Variants in ABHD6 observed in about 807,000 individuals in gnomAD.
The protein encoded by ABHD6 is abhydrolase domain containing 6, acylglycerol lipase, also known as monoacylglycerol lipase ABHD6.
In ABHD6, 33 loss-of-function variants were observed where a neutral mutation model predicts 38.8. That is an observed-to-expected ratio of 0.85 (90% CI 0.64 to 1.14). The LOEUF is 1.14. Among genes scored for constraint, ABHD6 ranks in the 50% most tolerant of loss-of-function variants. ABHD6 has a pLI of 0.00. For missense variants in ABHD6, 380 were observed against 422.6 expected, an observed-to-expected ratio of 0.90 and a Z score of 0.88; for synonymous variants, 147 against 161.6, an observed-to-expected ratio of 0.91 and a Z score of 0.69.
Position 58,287,790 on chromosome 3 carries a change from G to C in ABHD6, c.837+2337G>C, listed in dbSNP as rs1386452991. 6.6e-6 allele frequency among the ~76,000 whole-genome samples: 1 copy of C among 152,242 alleles called. No individual in the cohort carries two copies. On this transcript the variant is annotated intron_variant, in intron 9 of 9. Coordinates refer to ENST00000478253, the MANE Select transcript of ABHD6 (RefSeq NM_001320126.2). The surrounding 1 kb of genome is among the most constrained non-coding windows in gnomAD (Gnocchi z 4.7). The stretch of plus-strand genomic sequence containing the variant: ...TTGGATTCTGAAAGTCTATGTTCCA[G>C]CCCTACTTTTGTCCTTGGTCAGCCC...
rs149481111 is a variant in ABHD6, at chr3:58,274,812, G to A, written c.678G>A (p.Gln226=). Residue 226 remains glutamine (Q), a synonymous_variant, in exon 7 of 10, where the codon CAG becomes CAA. Coordinates refer to ENST00000478253, the MANE Select transcript of ABHD6 (RefSeq NM_001320126.2). ...LCSYVRFKVP[Q]QILQGLVDVR... Reference sequence around the variant, plus strand: ...CCTATGTCCGCTTCAAGGTGCCCCAGCAGGTAACGTGGTTGCAGCAGCGAC... The same window carrying A: ...CCTATGTCCGCTTCAAGGTGCCCCAACAGGTAACGTGGTTGCAGCAGCGAC... The A allele has an allele frequency of 1.1e-5, 18 of 1,613,180 alleles. No homozygotes were observed. Among genetic ancestry groups the A allele is most frequent in the Non-Finnish European group, 1.3e-5 (15 of 1,179,558 alleles).
Position 58,294,112 on chromosome 3 carries a change from A to T in ABHD6, c.*347A>T. 1 of 194,144 alleles carries T rather than the reference A, an allele frequency of 5.2e-6. No homozygotes were observed. Among genetic ancestry groups the T allele is most frequent in the South Asian group, 1.3e-4 (1 of 7,430 alleles). 12.0% of individuals were successfully genotyped at this position (194,144 alleles called of 1,614,324 possible). ...GGACATTTTCTTTGAGACATTCCTT[A>T]TAGTTGGAGACTCAAGATATTTTTG... On this transcript the variant is annotated 3_prime_UTR_variant, in exon 10 of 10. Coordinates refer to ENST00000478253, the MANE Select transcript of ABHD6 (RefSeq NM_001320126.2).
intron 7 of ABHD6, among the ~76,000 whole-genome samples, chr3:58,276,243 G>T (rs560212225): frequency 6.6e-6 from 1 of 152,324 alleles, no homozygotes; most frequent in South Asian, 2.1e-4. Flanking sequence ...CAGTGTAAAA[G>T]CGTTCCTATT....
At chr3:58,290,056 C>T (rs2097460791) in intron 9 of ABHD6, among the ~76,000 whole-genome samples, 1 of 133,010 alleles carries the variant, frequency 7.5e-6, no homozygotes, top group Admixed American at 7.2e-5. Flanking sequence ...ATCCCCACCT[C>T]CCTCCCGGAC....
chr3:58,293,110 C>G lies in ABHD6; in HGVS notation c.838-479C>G, dbSNP rs976175132. 1.3e-5 allele frequency among the ~76,000 whole-genome samples: 2 copies of G among 152,100 alleles called. No individual in the cohort carries two copies. Among genetic ancestry groups the G allele is most frequent in the South Asian group, 2.1e-4 (1 of 4,828 alleles). On this transcript the variant is annotated intron_variant, in intron 9 of 9. Coordinates refer to ENST00000478253, the MANE Select transcript of ABHD6 (RefSeq NM_001320126.2). The surrounding 1 kb of genome is among the most constrained non-coding windows in gnomAD (Gnocchi z 4.4). ...TCTCTGCCCCTTCTCCCCACCATGC[C>G]ACCCCCACTGCCCATGTGCTTGGTG...
At position 58,269,643 on chromosome 3, in the gene ABHD6, T is replaced by A. The variant is rs1404451011; in HGVS notation, c.390+209T>A. 6.6e-6 allele frequency among the ~76,000 whole-genome samples: 1 copy of A among 152,252 alleles called. No homozygotes were observed. Among genetic ancestry groups the A allele is most frequent in the Non-Finnish European group, 1.5e-5 (1 of 68,036 alleles). ...GGGCTTATTACAGACTTAAGCCTAT[T>A]GCAGTTGTTTGTAACGAAATACAAT... On this transcript the variant is annotated intron_variant, in intron 5 of 9. Transcript: ENST00000478253. The surrounding 1 kb of genome is among the most constrained non-coding windows in gnomAD (Gnocchi z 4.4).
At chr3:58,276,379 G>T (rs1451624641) in intron 7 of ABHD6, among the ~76,000 whole-genome samples, 2 of 152,118 alleles carry the variant, frequency 1.3e-5, no homozygotes, top group Non-Finnish European at 2.9e-5. Flanking sequence ...ATGATGAGCA[G>T]TTTTTCATGT....
At chr3:58,264,894 A>C (rs1284366352) in intron 3 of ABHD6, among the ~76,000 whole-genome samples, 3 of 152,168 alleles carry the variant, frequency 2.0e-5, no homozygotes, top group Non-Finnish European at 2.9e-5. Context: ...TTATCCTTTG[A>C]GTTACAAACA....
At position 58,269,763 on chromosome 3, in the gene ABHD6, A is replaced by G. The variant is rs1487819645; in HGVS notation, c.390+329A>G. Among the ~76,000 whole-genome samples, 1 of 152,218 alleles carries G rather than the reference A, an allele frequency of 6.6e-6. No homozygotes were observed. Among genetic ancestry groups the G allele is most frequent in the East Asian group, 1.9e-4 (1 of 5,202 alleles). On this transcript the variant is annotated intron_variant, in intron 5 of 9. Coordinates refer to ENST00000478253, the MANE Select transcript of ABHD6 (RefSeq NM_001320126.2). This position sits in a 1 kb window ranked among gnomAD's most constrained non-coding sequence, Gnocchi z 4.4. ...TCTCTTTCTGCTCACCAGTTATATG[A>G]TAACAGTAATAGCCCCTCTGCCTAG...
At chr3:58,245,846 AAAAG>A (rs1269750939) in intron 1 of ABHD6, among the ~76,000 whole-genome samples, 5 of 139,086 alleles carry the variant, frequency 3.6e-5, no homozygotes, top group Non-Finnish European at 3.1e-5. Context: ...AAAGAACAAA[AAAAG>A]AAAGGCAAAA....
Position 58,274,879 on chromosome 3 carries a change from C to T in ABHD6, c.681+64C>T, listed in dbSNP as rs144889209. On this transcript the variant is annotated intron_variant, in intron 7 of 9. Coordinates refer to ENST00000478253, the MANE Select transcript of ABHD6 (RefSeq NM_001320126.2). Reference sequence around the variant, plus strand: ...GAGGCCCGGGGGCGAGTACCAGCTTCCTGCACGTATTCCCTCCTTCACCTA... The same window carrying T: ...GAGGCCCGGGGGCGAGTACCAGCTTTCTGCACGTATTCCCTCCTTCACCTA... 1.2e-3 allele frequency: 1,792 copies of T among 1,548,966 alleles called. 5 individuals are homozygous for T. The highest frequency in any genetic ancestry group is 2.5e-3 in the Middle Eastern group (13 of 5,244).
chr3:58,272,559 C>T (rs569931976), intron 6 of ABHD6, among the ~76,000 whole-genome samples: 125 of 152,224 alleles, frequency 8.2e-4, no homozygotes, highest in African/African-American at 2.9e-3. Context: ...CTTCTCCTCT[C>T]TTTTTTCAAG....
intron 2 of ABHD6, among the ~76,000 whole-genome samples, chr3:58,250,563 A>G (rs137875915): frequency 2.2e-4 from 33 of 152,234 alleles, no homozygotes; most frequent in Non-Finnish European, 2.8e-4. Flanking sequence ...TTACAGAAAC[A>G]GGAGGGAGAG....
chr3:58,279,974 G>A (rs1370237288), intron 7 of ABHD6, among the ~76,000 whole-genome samples: 1 of 152,130 alleles, frequency 6.6e-6, no homozygotes, highest in Non-Finnish European at 1.5e-5. Flanking sequence ...TAGTCTGATG[G>A]GCTTCCCTTT....
chr3:58,239,768 G>A (rs1335554317), intron 1 of ABHD6, among the ~76,000 whole-genome samples: 1 of 151,990 alleles, frequency 6.6e-6, no homozygotes, highest in Non-Finnish European at 1.5e-5. Context: ...ATCCTGGTTT[G>A]CAGTATGCGT....
At chr3:58,284,172 T>C (rs571493321) in intron 7 of ABHD6, among the ~76,000 whole-genome samples, 1 of 152,264 alleles carries the variant, frequency 6.6e-6, no homozygotes, top group South Asian at 2.1e-4. Flanking sequence ...CACTACCTCT[T>C]TGGGTCAGTA....
Position 58,251,268 on chromosome 3 carries a change from G to C in ABHD6, c.-26+1326G>C, listed in dbSNP as rs1367423638. The stretch of plus-strand genomic sequence containing the variant: ...GGAGGCGGAGGTTGCAGTGAGCCAA[G>C]ATTGTACCACTACACTCCAGCCTGG... On this transcript the variant is annotated intron_variant, in intron 2 of 9. Coordinates refer to ENST00000478253, the MANE Select transcript of ABHD6 (RefSeq NM_001320126.2). The surrounding 1 kb of genome is among the most constrained non-coding windows in gnomAD (Gnocchi z 5.4). Among the ~76,000 whole-genome samples, 4 of 150,056 alleles carry C rather than the reference G, an allele frequency of 2.7e-5. No homozygotes were observed. The highest frequency in any genetic ancestry group is 9.9e-5 in the African/African-American group (4 of 40,446).
At chr3:58,289,218 G>A (rs1446146903) in intron 9 of ABHD6, among the ~76,000 whole-genome samples, 2 of 111,040 alleles carry the variant, frequency 1.8e-5, no homozygotes, top group Non-Finnish European at 3.5e-5. Flanking sequence ...CCACACCCGG[G>A]TAATTTTTTA....
chr3:58,252,375 G>A (rs1326593217), intron 2 of ABHD6, among the ~76,000 whole-genome samples: 6 of 151,086 alleles, frequency 4.0e-5, no homozygotes, highest in South Asian at 2.1e-4. Flanking sequence ...CACCATGCCC[G>A]GCTAATTTTT....
Sources: gnomAD v4.1 joint callset for allele counts (sites outside exome capture counted in the v4.1 genomes callset) on GRCh38, gnomAD v4.1.1 for gene constraint, Gnocchi (gnomAD v3.1) non-coding constraint, MANE v1.5 for transcripts, NCBI Gene and HGNC (gene_info 2026-07-23, HGNC 2026-07-21) for gene names.